Variants in CELF6 observed in about 807,000 individuals in gnomAD.
CELF6 encodes the protein CUGBP Elav-like family member 6.
Under a neutral mutation model 53.1 loss-of-function variants are expected in CELF6, and 32 were observed. The ratio of observed to expected loss-of-function variants is 0.60; its 90% CI spans 0.46 to 0.81. The LOEUF (loss-of-function observed/expected upper bound fraction) is 0.81. CELF6 is among the 30% of genes least tolerant of loss of function. The pLI is 0.00. For missense variants in CELF6, 539 were observed against 669.5 expected (o/e 0.81, Z 2.15); for synonymous variants, 291 against 288.8 (o/e 1.01, Z -0.08).
chr15:72,305,846 G>A (rs915903149), intron 2 of CELF6, among the ~76,000 whole-genome samples: 1 of 144,524 alleles, frequency 6.9e-6, no homozygotes, highest in Admixed American at 6.7e-5. Flanking sequence ...CCAAACGAGA[G>A]CTCATTTGTT....
At chr15:72,292,041 T>G (rs2088013122) in intron 3 of CELF6, among the ~76,000 whole-genome samples, 1 of 152,172 alleles carries the variant, frequency 6.6e-6, no homozygotes, top group Non-Finnish European at 1.5e-5. Flanking sequence ...TGGAATACAT[T>G]GTTCTAACAT....
At position 72,289,791 on chromosome 15, in the gene CELF6, C is replaced by T. The variant is rs912568967; in HGVS notation, c.604-21G>A. 4.1e-6 allele frequency: 6 copies of T among 1,450,522 alleles called. No homozygotes were observed. The highest frequency in any genetic ancestry group is 2.5e-5 in the East Asian group (1 of 40,126). The allele number at this position is 1,450,522 out of a possible 1,614,324, so 89.9% of individuals were successfully genotyped here. ...GCGCCCTGGGCAGGGCAGGGGAGGC[C>T]GTGGTGACCGGTCCTGACCCTGGCC... On this transcript the variant is annotated intron_variant, in intron 5 of 12. Coordinates refer to ENST00000287202, the MANE Select transcript of CELF6 (RefSeq NM_052840.5). This position sits in a 1 kb window ranked among gnomAD's most constrained non-coding sequence, Gnocchi z 7.6.
At chr15:72,305,524 T>C (rs567449121) in intron 2 of CELF6, among the ~76,000 whole-genome samples, 1 of 152,342 alleles carries the variant, frequency 6.6e-6, no homozygotes, top group South Asian at 2.1e-4. Context: ...ATTTTTCAAA[T>C]GAGGAAAACA....
chr15:72,315,811 A>C, intron 2 of CELF6, 34 bp downstream of exon 2: 1 of 1,454,776 alleles, frequency 6.9e-7, no homozygotes, highest in Non-Finnish European at 9.5e-7. Context: ...CCCCAGCCTG[A>C]GGTGATTCCC....
At chr15:72,292,125 G>C (rs1436108646) in intron 3 of CELF6, 1 of 995,368 alleles carries the variant, frequency 1.0e-6, no homozygotes, top group Non-Finnish European at 1.5e-6. Context: ...AGGAGGGGTG[G>C]AGTTCATCTT....
chr15:72,289,581 G>A lies in CELF6; in HGVS notation c.747+46C>T. 6.8e-7 allele frequency: 1 copy of A among 1,476,450 alleles called. No individual in the cohort carries two copies. The highest frequency in any genetic ancestry group is 8.9e-7 in the Non-Finnish European group (1 of 1,120,740). The allele number at this position is 1,476,450 out of a possible 1,614,324, so 91.5% of individuals were successfully genotyped here. A position where few individuals can be genotyped will look rare whatever the true frequency, so the allele number is the denominator to read the frequency against. ...TGCCCGTGCTCTCAGCCCCAGGCCT[G>A]GCCCACCCACCTGCGCGCCCTCGCA... On this transcript the variant is annotated intron_variant, in intron 6 of 12. Coordinates refer to ENST00000287202, the MANE Select transcript of CELF6 (RefSeq NM_052840.5). The surrounding 1 kb of genome is among the most constrained non-coding windows in gnomAD (Gnocchi z 7.6).
Position 72,288,765 on chromosome 15 carries a change from G to A in CELF6, c.1093+103C>T. On this transcript the variant is annotated intron_variant, in intron 9 of 12. Coordinates refer to ENST00000287202, the MANE Select transcript of CELF6 (RefSeq NM_052840.5). The surrounding 1 kb of genome is among the most constrained non-coding windows in gnomAD (Gnocchi z 4.6). ...GTCGTTCTGGGGGTAGGAGGGGATG[G>A]GAGGATCAACTCCTTGGAACAGAGC... 3 of 1,355,472 alleles carry A rather than the reference G, an allele frequency of 2.2e-6. No homozygotes were observed. Among genetic ancestry groups the A allele is most frequent in the Non-Finnish European group, 3.1e-6 (3 of 967,570 alleles). The allele number at this position is 1,355,472 out of a possible 1,614,324, so 84.0% of individuals were successfully genotyped here.
At chr15:72,294,479 G>A (rs1035176331) in intron 3 of CELF6, among the ~76,000 whole-genome samples, 3 of 152,158 alleles carry the variant, frequency 2.0e-5, no homozygotes, top group Non-Finnish European at 4.4e-5. Context: ...AAGAAGCCAC[G>A]GGGAAAGTGA....
chr15:72,313,052 T>G (rs530051874), intron 2 of CELF6, among the ~76,000 whole-genome samples: 3 of 152,230 alleles, frequency 2.0e-5, no homozygotes, highest in African/African-American at 7.2e-5. Flanking sequence ...CCAGGCCATG[T>G]TGGAGACCTG....
At chr15:72,307,940 G>A (rs964509949) in intron 2 of CELF6, among the ~76,000 whole-genome samples, 6 of 150,946 alleles carry the variant, frequency 4.0e-5, no homozygotes, top group Non-Finnish European at 7.4e-5. Context: ...GCTAGGGTAC[G>A]GACAGGGAGC....
chr15:72,299,310 T>C (rs1027296486), intron 3 of CELF6, among the ~76,000 whole-genome samples: 6 of 151,998 alleles, frequency 3.9e-5, no homozygotes, highest in South Asian at 4.2e-4. Flanking sequence ...AACATTTTAA[T>C]GTTCATGTTC....
chr15:72,319,946 TGGCGAG>T lies in CELF6; in HGVS notation c.-78_-73del. 1 of 1,361,890 alleles carries T rather than the reference TGGCGAG, an allele frequency of 7.3e-7. No homozygotes were observed. Among genetic ancestry groups the T allele is most frequent in the African/African-American group, 1.6e-5 (1 of 63,880 alleles). 84.4% of individuals were successfully genotyped at this position (1,361,890 alleles called of 1,614,324 possible). On this transcript the variant is annotated 5_prime_UTR_variant, in exon 1 of 13. Transcript: ENST00000287202. The surrounding 1 kb of genome is among the most constrained non-coding windows in gnomAD (Gnocchi z 5.0). ...TCCCGCCGTCCCCTCCCTGGACCGG[TGGCGAG>T]GGCCAGGGGGAGGGGGCGGAGCCCG... is the stretch of plus-strand genomic sequence containing the variant.
At chr15:72,318,917 C>A (rs1265002020) in intron 1 of CELF6, among the ~76,000 whole-genome samples, 1 of 152,126 alleles carries the variant, frequency 6.6e-6, no homozygotes, top group Non-Finnish European at 1.5e-5. Context: ...GGGTTCTGAA[C>A]TGAAATCAAA....
chr15:72,287,510 C>A, intron 11 of CELF6, 118 bp from the exon 12 acceptor site: 2 of 1,116,620 alleles, frequency 1.8e-6, no homozygotes, highest in Admixed American at 2.1e-5. Flanking sequence ...ACACATACCC[C>A]TCCACTGTTT....
At chr15:72,314,690 G>T (rs947336768) in intron 2 of CELF6, among the ~76,000 whole-genome samples, 1 of 150,104 alleles carries the variant, frequency 6.7e-6, no homozygotes, top group African/African-American at 2.5e-5. Flanking sequence ...TGCCTCCCAG[G>T]TTCAAGTGAT....
intron 2 of CELF6, chr15:72,306,191 A>G: frequency 1.0e-6 from 1 of 978,462 alleles, no homozygotes; most frequent in Non-Finnish European, 1.2e-6. Flanking sequence ...GGGACGCAAA[A>G]GGTCTTTGTA....
intron 2 of CELF6, among the ~76,000 whole-genome samples, chr15:72,315,622 G>A (rs941884777): frequency 2.6e-5 from 4 of 152,192 alleles, no homozygotes; most frequent in Non-Finnish European, 5.9e-5. Context: ...TAAAAGATGG[G>A]TGGAACGCCT....
chr15:72,304,788 G>T lies in CELF6; in HGVS notation c.352C>A (p.Arg118Ser). 1 of 1,614,128 alleles carries T rather than the reference G, an allele frequency of 6.2e-7. No individual in the cohort carries two copies. Among genetic ancestry groups the T allele is most frequent in the Non-Finnish European group, 8.5e-7 (1 of 1,180,004 alleles). Residue 118 changes from arginine (R) to serine (S), a missense_variant, in exon 3 of 13, where the codon CGT becomes AGT. By Grantham distance (110) the Arg-to-Ser change is moderately radical (BLOSUM62 -1). This residue lies in a region of CELF6 where 97 missense variants were observed against 168.8 expected (regional missense o/e 0.57). Coordinates refer to ENST00000287202, the MANE Select transcript of CELF6 (RefSeq NM_052840.5). Reference sequence around the variant, plus strand: ...GCAGCTGGCTTCACTTGGATCGGACGATTCATCTGAAAGACATCGGACCAA... The same window carrying T: ...GCAGCTGGCTTCACTTGGATCGGACTATTCATCTGAAAGACATCGGACCAA... ...HEQKTLPGMN[R>S]PIQVKPAASE...
chr15:72,286,737 C>T lies in CELF6; in HGVS notation c.*29-395G>A, dbSNP rs78525364. On this transcript the variant is annotated intron_variant, in intron 12 of 12. Transcript: ENST00000287202. ...ACCCACCAGGCCCTGCAGATTCTAC[C>T]TCTGAAGCATGTTTGCTTCTCTTCC... Among the ~76,000 whole-genome samples the T allele has an allele frequency of 1.6e-3, 237 of 152,350 alleles. 5 individuals carry two copies. In the East Asian group the frequency reaches 0.024, roughly 15 times the overall value.
Sources: gnomAD v4.1 joint callset for allele counts (sites outside exome capture counted in the v4.1 genomes callset) on GRCh38, gnomAD v4.1.1 for gene constraint, gnomAD v4.1.1 regional missense constraint, Gnocchi (gnomAD v3.1) non-coding constraint, MANE v1.5 for transcripts, NCBI Gene and HGNC (gene_info 2026-07-23, HGNC 2026-07-21) for gene names.